The following GALNT7 variants were observed in gnomAD, a reference collection of about 807,000 sequenced individuals.
GALNT7 encodes polypeptide N-acetylgalactosaminyltransferase 7, also known as N-acetylgalactosaminyltransferase 7.
GALNT7 carries 60 observed loss-of-function variants against 82.1 expected under a neutral mutation model. That is an observed-to-expected ratio of 0.73 (90% confidence interval 0.59 to 0.91). The LOEUF is 0.91. Ranked by LOEUF, GALNT7 falls within the 40% of genes least tolerant of loss-of-function variation. The pLI is 0.00. For synonymous variants in GALNT7, 243 were observed against 275.1 expected (o/e 0.88, Z 1.15); for missense variants, 660 against 804.2 (o/e 0.82, Z 2.17).
intron 1 of GALNT7, among the ~76,000 whole-genome samples, chr4:173,243,401 A>T (rs1734499467): frequency 6.6e-6 from 1 of 152,152 alleles, no homozygotes; most frequent in African/African-American, 2.4e-5. Flanking sequence ...TTGGAAAATT[A>T]TCTACTCATC....
intron 3 of GALNT7, among the ~76,000 whole-genome samples, chr4:173,294,105 A>G (rs1736634198): frequency 6.6e-6 from 1 of 152,214 alleles, no homozygotes; most frequent in African/African-American, 2.4e-5. Flanking sequence ...CCTTTGGTCC[A>G]TGGTAACCAA....
chr4:173,214,325 T>G (rs557241543), intron 1 of GALNT7, among the ~76,000 whole-genome samples: 2 of 151,318 alleles, frequency 1.3e-5, no homozygotes, highest in African/African-American at 4.8e-5. Context: ...CACATTGTGG[T>G]AAGTATTTCA....
intron 1 of GALNT7, among the ~76,000 whole-genome samples, chr4:173,207,101 G>C (rs1733124316): frequency 6.6e-6 from 1 of 152,042 alleles, no homozygotes; most frequent in South Asian, 2.1e-4. Context: ...GTGTGTCTAA[G>C]GTGTGATAAT....
chr4:173,212,574 A>G (rs1471388678), intron 1 of GALNT7, among the ~76,000 whole-genome samples: 3 of 151,490 alleles, frequency 2.0e-5, no homozygotes, highest in Non-Finnish European at 4.4e-5. Flanking sequence ...CCACTCACAT[A>G]GAGATTCCCT....
intron 5 of GALNT7, chr4:173,297,811 C>T (rs1306993871): frequency 1.4e-6 from 2 of 1,443,396 alleles, no homozygotes; most frequent in Non-Finnish European, 1.8e-6. Flanking sequence ...ATGTACTGTG[C>T]CTCTAATAGA....
chr4:173,243,517 A>C (rs1426612931), intron 1 of GALNT7, among the ~76,000 whole-genome samples: 1 of 152,210 alleles, frequency 6.6e-6, no homozygotes, highest in Non-Finnish European at 1.5e-5. Context: ...AGAGGCATCT[A>C]CTGATTCTCA....
chr4:173,220,822 G>T (rs1733620967), intron 1 of GALNT7, among the ~76,000 whole-genome samples: 1 of 152,060 alleles, frequency 6.6e-6, no homozygotes, highest in African/African-American at 2.4e-5. Context: ...CCCTACAAAG[G>T]ACGTGAACTC....
In GALNT7 at chr4:173,298,243, T is replaced by A; in HGVS notation, c.1094T>A (p.Val365Glu). ...AWDWSMLWKR[V>E]PLTPQEKRLR... ...GATTGGAGTATGCTCTGGAAACGGG[T>A]GCCTCTGACCCCTCAAGAGAAGAGA... The change falls in exon 6 of 12, where the codon GTG (valine) becomes GAG (glutamate). Residue 365 changes from valine to glutamate, a missense_variant. By Grantham distance (121) the Val-to-Glu change is moderately radical. Around this residue, in one of 2 missense-constraint regions of GALNT7, gnomAD observed 527 missense variants for 683.5 expected, o/e 0.77. Coordinates refer to ENST00000265000, the MANE Select transcript of GALNT7 (RefSeq NM_017423.3). The A allele has an allele frequency of 6.2e-7, 1 of 1,611,368 alleles. No individual in the cohort carries two copies. Among genetic ancestry groups the A allele is most frequent in the Non-Finnish European group, 8.5e-7 (1 of 1,178,976 alleles).
chr4:173,254,146 G>A (rs1734941428), intron 2 of GALNT7, among the ~76,000 whole-genome samples: 1 of 152,150 alleles, frequency 6.6e-6, no homozygotes, highest in Non-Finnish European at 1.5e-5. Context: ...AAAGTGCTTT[G>A]AAAATTCTAA....
At chr4:173,286,329 G>T (rs2126817680) in intron 2 of GALNT7, among the ~76,000 whole-genome samples, 1 of 152,358 alleles carries the variant, frequency 6.6e-6, no homozygotes, top group East Asian at 1.9e-4. Flanking sequence ...CAGTAGCAAA[G>T]CTTGATAGTT....
chr4:173,168,900 T>C lies in GALNT7; in HGVS notation c.65T>C (p.Val22Ala), dbSNP rs1485352062. The C allele has an allele frequency of 6.2e-7, 1 of 1,613,444 alleles. No individual in the cohort carries two copies. The highest frequency in any genetic ancestry group is 8.5e-7 in the Non-Finnish European group (1 of 1,179,678). The part of the protein sequence containing the change: ...LLVVGSFLGL[V>A]VLWSSLTPRP... ...GTGGTGGGAAGCTTCCTGGGGCTAG[T>C]GGTCCTCTGGTCTTCCCTGACCCCG... Residue 22 changes from valine to alanine, a missense_variant, in exon 1 of 12, where the codon GTG becomes GCG. Coordinates refer to ENST00000265000, the MANE Select transcript of GALNT7 (RefSeq NM_017423.3).
intron 2 of GALNT7, among the ~76,000 whole-genome samples, chr4:173,289,788 G>A (rs767349610): frequency 4.6e-5 from 7 of 152,060 alleles, no homozygotes; most frequent in Non-Finnish European, 8.8e-5. Flanking sequence ...GCTTATCTGT[G>A]TGTAGGTGTA....
At chr4:173,265,194 T>G (rs1341365900) in intron 2 of GALNT7, among the ~76,000 whole-genome samples, 1 of 152,190 alleles carries the variant, frequency 6.6e-6, no homozygotes, top group Admixed American at 6.5e-5. Flanking sequence ...CCATTTTATA[T>G]TGCCAAGCTC....
At chr4:173,262,745 G>A (rs572704216) in intron 2 of GALNT7, among the ~76,000 whole-genome samples, 8 of 151,876 alleles carry the variant, frequency 5.3e-5, no homozygotes, top group East Asian at 1.9e-4. Flanking sequence ...AGTCTCAGAC[G>A]CTTTTCCTTG....
chr4:173,294,609 A>G (rs1736654582), intron 3 of GALNT7, among the ~76,000 whole-genome samples: 2 of 152,154 alleles, frequency 1.3e-5, no homozygotes, highest in South Asian at 4.1e-4. Flanking sequence ...GCATCTTTTA[A>G]ATGATCTGCA....
intron 1 of GALNT7, among the ~76,000 whole-genome samples, chr4:173,246,109 C>A (rs2126735222): frequency 6.6e-6 from 1 of 152,308 alleles, no homozygotes; most frequent in East Asian, 1.9e-4. Context: ...TCCAGCTTAT[C>A]TCACCCTTTC....
At position 173,292,395 on chromosome 4, in the gene GALNT7, A is replaced by G; in HGVS notation, c.754+121A>G. On this transcript the variant is annotated intron_variant, in intron 3 of 11. Coordinates refer to ENST00000265000, the MANE Select transcript of GALNT7 (RefSeq NM_017423.3). This position sits in a 1 kb window ranked among gnomAD's most constrained non-coding sequence, Gnocchi z 4.8. ...ATAGCATCTATTGATAGCATCTGTT[A>G]TCAACAAGTTGACACTGTGCCAAGC... 1 of 618,380 alleles carries G rather than the reference A, an allele frequency of 1.6e-6. No homozygotes were observed. Among genetic ancestry groups the G allele is most frequent in the Non-Finnish European group, 2.8e-6 (1 of 356,810 alleles). 38.3% of individuals were successfully genotyped at this position (618,380 alleles called of 1,614,324 possible).
At chr4:173,268,697 A>ATT (rs546718708) in intron 2 of GALNT7, among the ~76,000 whole-genome samples, 8 of 140,668 alleles carry the variant, frequency 5.7e-5, no homozygotes, top group African/African-American at 2.1e-4. Context: ...CGCCCAGCTA[A>ATT]TTTTTTTTTT....
At chr4:173,271,258 C>T (rs999812663) in intron 2 of GALNT7, among the ~76,000 whole-genome samples, 4 of 151,998 alleles carry the variant, frequency 2.6e-5, no homozygotes, top group Non-Finnish European at 5.9e-5. Context: ...CAGGGGTTTG[C>T]TGATTATGAA....
Sources: gnomAD v4.1 joint callset for allele counts (sites outside exome capture counted in the v4.1 genomes callset) on GRCh38, gnomAD v4.1.1 for gene constraint, gnomAD v4.1.1 regional missense constraint, Gnocchi (gnomAD v3.1) non-coding constraint, MANE v1.5 for transcripts, NCBI Gene and HGNC (gene_info 2026-07-23, HGNC 2026-07-21) for gene names.